The following KDM4C variants were observed in gnomAD, a reference collection of about 807,000 sequenced individuals.
The protein encoded by KDM4C is lysine demethylase 4C, also known as lysine-specific demethylase 4C.
In KDM4C, 81 loss-of-function variants were observed where a neutral mutation model predicts 129.3. That is an observed-to-expected ratio of 0.63 (90% confidence interval 0.52 to 0.75). The LOEUF is 0.75. KDM4C is among the 30% of genes least tolerant of loss of function. The pLI is 0.00. For synonymous variants in KDM4C, 573 were observed against 456.1 expected (o/e 1.26, Z -3.26); for missense variants, 1,457 against 1,304.0 (o/e 1.12, Z -1.81).
intron 5 of KDM4C, among the ~76,000 whole-genome samples, chr9:6,862,450 C>T (rs4418394): frequency 0.14 from 21,910 of 152,102 alleles, 1,895 homozygotes; most frequent in South Asian, 0.34. Flanking sequence ...TTGAAAGCCT[C>T]TTAATTCTCA....
intron 8 of KDM4C, among the ~76,000 whole-genome samples, chr9:6,900,653 A>G (rs1817242798): frequency 6.6e-6 from 1 of 152,226 alleles, no homozygotes; most frequent in South Asian, 2.1e-4. Flanking sequence ...AGAGAAGCCA[A>G]TGGACATGTT....
At chr9:7,165,515 G>A (rs932855635) in intron 20 of KDM4C, among the ~76,000 whole-genome samples, 158 bp downstream of exon 20, 3 of 152,228 alleles carry the variant, frequency 2.0e-5, no homozygotes, top group Non-Finnish European at 4.4e-5. Flanking sequence ...GACCCAGGTC[G>A]AAACCCTGGA....
Position 7,138,450 on chromosome 9 carries a change from T to G in KDM4C, c.2781+10214T>G, listed in dbSNP as rs1587830258. The stretch of plus-strand genomic sequence containing the variant: ...TAGTACAATATGTTGAATAATGTTA[T>G]ATGCATAGTTTTCAGATCAAAGTAG... On this transcript the variant is annotated intron_variant, in intron 19 of 21. Transcript: ENST00000381309. 1.3e-5 allele frequency among the ~76,000 whole-genome samples: 2 copies of G among 152,272 alleles called. 1 individual carries two copies. The highest frequency in any genetic ancestry group is 4.1e-4 in the South Asian group (2 of 4,834).
chr9:6,981,029 C>T lies in KDM4C; in HGVS notation c.1026C>T (p.Thr342=). The T allele has an allele frequency of 1.2e-6, 2 of 1,613,788 alleles. No homozygotes were observed. Among genetic ancestry groups the T allele is most frequent in the Non-Finnish European group, 1.7e-6 (2 of 1,179,810 alleles). ...GGAAACAAGGAAAGGATATATACACCATTGATCACACGAAGCCTACTCCAG... is the reference window on the plus strand; with the variant it reads ...GGAAACAAGGAAAGGATATATACACTATTGATCACACGAAGCCTACTCCAG... The part of the protein sequence containing the change: ...QLWKQGKDIY[T]IDHTKPTPAS... The change falls in exon 9 of 22, where the codon ACC becomes ACT. Residue 342 remains threonine, a synonymous_variant. Transcript: ENST00000381309.
chr9:6,906,311 C>G (rs145906173), intron 8 of KDM4C, among the ~76,000 whole-genome samples: 1 of 152,118 alleles, frequency 6.6e-6, no homozygotes, highest in Non-Finnish European at 1.5e-5. Flanking sequence ...TGGTACTTCT[C>G]GTTTGTGGAA....
At chr9:7,059,326 C>T (rs181339656) in intron 17 of KDM4C, among the ~76,000 whole-genome samples, 35 of 152,204 alleles carry the variant, frequency 2.3e-4, no homozygotes, top group Non-Finnish European at 1.0e-4. Flanking sequence ...TGGTCTCGGG[C>T]TTCTGGGTTC....
intron 1 of KDM4C, chr9:6,724,159 A>C (rs954352044): frequency 6.6e-6 from 1 of 152,210 alleles, no homozygotes; most frequent in African/African-American, 2.4e-5. Flanking sequence ...ATTCAGACTG[A>C]CCTCTCATTT....
intron 19 of KDM4C, among the ~76,000 whole-genome samples, chr9:7,129,594 G>C (rs1021233686): frequency 6.6e-6 from 1 of 151,968 alleles, no homozygotes; most frequent in African/African-American, 2.4e-5. Flanking sequence ...TACCACACTA[G>C]GTGCTGGAAA....
At position 6,757,999 on chromosome 9, in the gene KDM4C, C is replaced by G; in HGVS notation, c.-222C>G. On this transcript the variant is annotated 5_prime_UTR_variant, in exon 1 of 22. Coordinates refer to ENST00000381309, the MANE Select transcript of KDM4C (RefSeq NM_015061.6). ...GAGCCGGCGGTGCGCGCGCCTTCGC[C>G]GCTGCCTCCCACCCACCCCCTCGAC... 1 of 985,410 alleles carries G rather than the reference C, an allele frequency of 1.0e-6. No individual in the cohort carries two copies. The highest frequency in any genetic ancestry group is 1.2e-6 in the Non-Finnish European group (1 of 829,920). 61.0% of individuals were successfully genotyped at this position (985,410 alleles called of 1,614,324 possible).
intron 7 of KDM4C, among the ~76,000 whole-genome samples, chr9:6,888,337 C>T (rs1261413041): frequency 1.3e-5 from 2 of 152,038 alleles, no homozygotes; most frequent in East Asian, 1.9e-4. Flanking sequence ...GGAAGCACTT[C>T]TATATTAAAA....
intron 8 of KDM4C, among the ~76,000 whole-genome samples, chr9:6,963,778 C>T (rs1395369473): frequency 6.6e-6 from 1 of 152,198 alleles, no homozygotes; most frequent in Admixed American, 6.5e-5. Flanking sequence ...TCTTAGACTA[C>T]CTCAAGGCCC....
intron 8 of KDM4C, among the ~76,000 whole-genome samples, chr9:6,916,060 T>A (rs1206530462): frequency 6.6e-6 from 1 of 152,100 alleles, no homozygotes; most frequent in Non-Finnish European, 1.5e-5. Flanking sequence ...TGGTGAAGAT[T>A]GGATGGTGTT....
intron 7 of KDM4C, among the ~76,000 whole-genome samples, chr9:6,888,781 G>GTTTTTTT (rs779606475): frequency 3.5e-5 from 4 of 114,986 alleles, no homozygotes; most frequent in Admixed American, 1.0e-4. Flanking sequence ...CTTCTTCTGT[G>GTTTTTTT]TTTTTTTTTT....
At chr9:7,125,263 T>G (rs1289840136) in intron 18 of KDM4C, among the ~76,000 whole-genome samples, 1 of 152,180 alleles carries the variant, frequency 6.6e-6, no homozygotes. Flanking sequence ...ACTCTGTCTG[T>G]CCTTGATTGT....
At position 7,169,793 on chromosome 9, in the gene KDM4C, A is replaced by G; in HGVS notation, c.2902-5A>G. On this transcript the variant is annotated splice_polypyrimidine_tract_variant and splice_region_variant and intron_variant, in intron 20 of 21. Transcript: ENST00000381309. Reference sequence around the variant, plus strand: ...TATGTATCATGTTATATTATCTTTCATTAGGTTGAGTTTGAAGATGGATCC... The same window carrying G: ...TATGTATCATGTTATATTATCTTTCGTTAGGTTGAGTTTGAAGATGGATCC... 3 of 1,597,174 alleles carry G rather than the reference A, an allele frequency of 1.9e-6. No homozygotes were observed. Among genetic ancestry groups the G allele is most frequent in the Non-Finnish European group, 1.7e-6 (2 of 1,166,592 alleles).
At chr9:6,937,214 G>A (rs547096917) in intron 8 of KDM4C, among the ~76,000 whole-genome samples, 1 of 152,112 alleles carries the variant, frequency 6.6e-6, no homozygotes, top group African/African-American at 2.4e-5. Flanking sequence ...CACCCAGCGA[G>A]TAATTAAAAA....
chr9:7,155,076 T>G (rs1299782466), intron 19 of KDM4C, among the ~76,000 whole-genome samples: 1 of 152,232 alleles, frequency 6.6e-6, no homozygotes, highest in African/African-American at 2.4e-5. Context: ...TTTCTATAAT[T>G]GACCTTAGAT....
At chr9:6,928,599 C>G (rs1589151409) in intron 8 of KDM4C, among the ~76,000 whole-genome samples, 1 of 144,378 alleles carries the variant, frequency 6.9e-6, no homozygotes, top group Non-Finnish European at 1.5e-5. Context: ...CCTATGTCCT[C>G]TTTTTTTTTT....
rs7859496 is a variant in KDM4C at position 6,939,636 on chromosome 9, A to G, written c.922-41289A>G. ...GTACTTATACTTTGTTACAGTGGTT[A>G]TGGTTACTTAGAGCTATCACATAGT... On this transcript the variant is annotated intron_variant, in intron 8 of 21. Transcript: ENST00000381309. 2.4e-3 allele frequency among the ~76,000 whole-genome samples: 368 copies of G among 152,296 alleles called. 5 individuals carry two copies. The highest frequency in any genetic ancestry group is 8.7e-3 in the African/African-American group (360 of 41,566).
Sources: gnomAD v4.1 joint callset for allele counts (sites outside exome capture counted in the v4.1 genomes callset) on GRCh38, gnomAD v4.1.1 for gene constraint, MANE v1.5 for transcripts, NCBI Gene and HGNC (gene_info 2026-07-23, HGNC 2026-07-21) for gene names.